Variants in GPR19 observed in about 807,000 individuals in gnomAD.
The protein encoded by GPR19 is probable G protein-coupled receptor 19.
Under a neutral mutation model 28.5 loss-of-function variants are expected in GPR19, and 14 were observed. The observed-to-expected ratio is 0.49, with a 90% CI of 0.32 to 0.77. The LOEUF (loss-of-function observed/expected upper bound fraction) is 0.77, where lower values mean the gene tolerates loss of function less well. Among genes scored for constraint, GPR19 ranks in the 30% least tolerant of loss-of-function variants. The pLI is 0.03. For synonymous variants in GPR19, 173 were observed against 184.1 expected, an observed-to-expected ratio of 0.94 and a Z score of 0.49; for missense variants, 409 against 504.1, an observed-to-expected ratio of 0.81 and a Z score of 1.81.
chr12:12,664,074 A>G (rs7962288), intron 3 of GPR19, among the ~76,000 whole-genome samples: 26,553 of 151,734 alleles, frequency 0.17, 2,634 homozygotes, highest in East Asian at 0.24. Flanking sequence ...GCTCAATGCA[A>G]CCTCCCCCTC....
chr12:12,709,876 T>TA, the GPR19 span, among the ~76,000 whole-genome samples: 1 of 152,172 alleles, frequency 6.6e-6, no homozygotes, highest in East Asian at 1.9e-4. Context: ...TAGCCAAGTT[T>TA]AGGTCAAACA....
intron 2 of GPR19, among the ~76,000 whole-genome samples, chr12:12,690,321 A>C (rs1349355596): frequency 2.0e-5 from 3 of 152,228 alleles, no homozygotes; most frequent in Non-Finnish European, 4.4e-5. Flanking sequence ...ATTAGGACAA[A>C]AAACATTAAG....
the GPR19 span, among the ~76,000 whole-genome samples, chr12:12,708,038 C>T: frequency 7.7e-5 from 10 of 130,390 alleles, no homozygotes; most frequent in African/African-American, 1.7e-4. Context: ...CTAGCTCTGT[C>T]GCCCAGGCTG....
upstream of GPR19, among the ~76,000 whole-genome samples, chr12:12,700,366 G>A (rs190984740): frequency 6.6e-6 from 1 of 151,756 alleles, no homozygotes; most frequent in Non-Finnish European, 1.5e-5. Flanking sequence ...TGTTGTTGTT[G>A]TTGTTTTGTT....
At position 12,684,493 on chromosome 12, in the gene GPR19, C is replaced by T. The variant is rs937350592; in HGVS notation, c.-165G>A. ...TTTCTGTCCTCTGCCTTCCCCTTGG[C>T]TCACAGCCTGCTTCCTGTTAGGGAG... is the stretch of plus-strand genomic sequence containing the variant. On this transcript the variant is annotated 5_prime_UTR_variant, in exon 3 of 4. Coordinates refer to ENST00000651487, the MANE Select transcript of GPR19 (RefSeq NM_006143.3). The T allele has an allele frequency of 6.6e-6, 1 of 152,328 alleles. No individual in the cohort carries two copies. The highest frequency in any genetic ancestry group is 2.4e-5 in the African/African-American group (1 of 41,460). 9.4% of individuals were successfully genotyped at this position (152,328 alleles called of 1,614,324 possible).
intron 2 of GPR19, among the ~76,000 whole-genome samples, chr12:12,692,714 T>TA (rs1946203461): frequency 6.6e-6 from 1 of 151,828 alleles, no homozygotes; most frequent in Non-Finnish European, 1.5e-5. Context: ...TTTTTTTTTT[T>TA]CTCCAACTGG....
intron 2 of GPR19, among the ~76,000 whole-genome samples, chr12:12,692,580 C>T (rs1946199557): frequency 6.6e-6 from 1 of 152,152 alleles, no homozygotes; most frequent in Non-Finnish European, 1.5e-5. Flanking sequence ...GAAAGACGGA[C>T]TGGATACCCT....
At chr12:12,711,756 T>G in the GPR19 span, among the ~76,000 whole-genome samples, 1 of 152,126 alleles carries the variant, frequency 6.6e-6, no homozygotes, top group Non-Finnish European at 1.5e-5. Flanking sequence ...TTCTGTTACC[T>G]CTCTTAGTTA....
Position 12,661,836 on chromosome 12 carries a change from T to A in GPR19, c.613A>T (p.Asn205Tyr), listed in dbSNP as rs757543568. 1.2e-6 allele frequency: 2 copies of A among 1,614,146 alleles called. No homozygotes were observed. Among genetic ancestry groups the A allele is most frequent in the Non-Finnish European group, 1.7e-6 (2 of 1,180,028 alleles). The change falls in exon 4 of 4, where the codon AAC becomes TAC. Residue 205 changes from asparagine (N) to tyrosine (Y), a missense_variant. Physicochemically the swap from Asn to Tyr is moderately radical, Grantham distance 143. Coordinates refer to ENST00000651487, the MANE Select transcript of GPR19 (RefSeq NM_006143.3). The surrounding 1 kb of genome is among the most constrained non-coding windows in gnomAD (Gnocchi z 4.2). Reference protein sequence around the residue: ...VTPVLFFYGSNWDSHCNYFLP... With the variant: ...VTPVLFFYGSYWDSHCNYFLP... Reference sequence around the variant, plus strand: ...AAATAGTTACAATGACTGTCCCAGTTGGAGCCATAGAAAAAGAGCACAGGG... The same window carrying A: ...AAATAGTTACAATGACTGTCCCAGTAGGAGCCATAGAAAAAGAGCACAGGG...
chr12:12,709,866 T>G, the GPR19 span, among the ~76,000 whole-genome samples: 1 of 152,178 alleles, frequency 6.6e-6, no homozygotes, highest in African/African-American at 2.4e-5. Context: ...AAAATTTGGC[T>G]AGCCAAGTTT....
chr12:12,687,519 T>C lies in GPR19; in HGVS notation c.-179-3012A>G, dbSNP rs759594547. Among the ~76,000 whole-genome samples, 31 of 152,230 alleles carry C rather than the reference T, an allele frequency of 2.0e-4. 1 individual carries two copies. Among genetic ancestry groups the C allele is most frequent in the Non-Finnish European group, 4.4e-4 (30 of 68,032 alleles). On this transcript the variant is annotated intron_variant, in intron 2 of 3. Transcript: ENST00000651487. Reference sequence around the variant, plus strand: ...GGTGCAGTCGAGATGTCATGCTGGTTCTTGGTTTCCACTTAGCTTTTCTTC... The same window carrying C: ...GGTGCAGTCGAGATGTCATGCTGGTCCTTGGTTTCCACTTAGCTTTTCTTC...
At chr12:12,664,845 G>A (rs578016432) in intron 3 of GPR19, among the ~76,000 whole-genome samples, 39 of 144,750 alleles carry the variant, frequency 2.7e-4, no homozygotes, top group African/African-American at 9.7e-4. Context: ...GCTTGAACCC[G>A]GGAGGCGAAG....
chr12:12,671,176 G>C (rs1489964554), intron 3 of GPR19, among the ~76,000 whole-genome samples: 3 of 151,666 alleles, frequency 2.0e-5, no homozygotes. Context: ...TGTGGCGGCT[G>C]GTGCCTGTAA....
chr12:12,676,222 C>T (rs967009483), intron 3 of GPR19, among the ~76,000 whole-genome samples: 7 of 152,154 alleles, frequency 4.6e-5, no homozygotes, highest in African/African-American at 1.7e-4. Context: ...CAAGAGACCC[C>T]GGTCTTATTT....
chr12:12,697,645 T>C (rs551981386), upstream of GPR19, among the ~76,000 whole-genome samples: 6 of 152,316 alleles, frequency 3.9e-5, no homozygotes, highest in South Asian at 4.1e-4. Flanking sequence ...TCAAGACATA[T>C]GAAATTAAGC....
In GPR19 at chr12:12,681,651, C is replaced by G. The variant is rs139714929; in HGVS notation, c.-23+2700G>C. On this transcript the variant is annotated intron_variant, in intron 3 of 3. Coordinates refer to ENST00000651487, the MANE Select transcript of GPR19 (RefSeq NM_006143.3). Reference sequence around the variant, plus strand: ...TTTGTGCTTCCGTCAGGGCTGTTGTCTGTTTTGTGCAGCTCGCTCAGCAGG... The same window carrying G: ...TTTGTGCTTCCGTCAGGGCTGTTGTGTGTTTTGTGCAGCTCGCTCAGCAGG... 7.3e-3 allele frequency among the ~76,000 whole-genome samples: 1,107 copies of G among 152,276 alleles called. 8 individuals carry two copies. Among genetic ancestry groups the G allele is most frequent in the Non-Finnish European group, 9.3e-3 (636 of 68,024 alleles).
At chr12:12,707,794 C>T in the GPR19 span, among the ~76,000 whole-genome samples, 2 of 151,840 alleles carry the variant, frequency 1.3e-5, no homozygotes, top group Non-Finnish European at 2.9e-5. Flanking sequence ...TCATAGCTCA[C>T]TGCGGGGTCA....
rs746027983 is a variant in GPR19 at position 12,662,305 on chromosome 12, A to G, written c.144T>C (p.Ser48=). The change falls in exon 4 of 4, where the codon AGT becomes AGC. Residue 48 remains serine (S), a synonymous_variant. Transcript: ENST00000651487. ...GAAGGTCTGTTTGGTTGCTCATCCA[A>G]CTGTGCTCCTCACTTAATTCCATCA... ...QYLMELSEEH[S]WMSNQTDLHY... is the part of the protein sequence containing the mutation. 1.7e-5 allele frequency: 27 copies of G among 1,614,088 alleles called. No homozygotes were observed. The highest frequency in any genetic ancestry group is 2.0e-5 in the Non-Finnish European group (24 of 1,180,030).
At chr12:12,681,952 C>T (rs1010575684) in intron 3 of GPR19, among the ~76,000 whole-genome samples, 2 of 152,184 alleles carry the variant, frequency 1.3e-5, no homozygotes, top group South Asian at 4.1e-4. Context: ...CACACTGATA[C>T]TCAAGATCCC....
Sources: allele counts gnomAD v4.1 joint callset (sites outside exome capture counted in the v4.1 genomes callset), GRCh38; gene constraint gnomAD v4.1.1; non-coding constraint Gnocchi (gnomAD v3.1); transcripts MANE v1.5; gene names NCBI Gene and HGNC (gene_info 2026-07-23, HGNC 2026-07-21).